TCF4: variants seen among roughly 807,000 people sequenced by gnomAD.
TCF4 encodes the protein transcription factor 4.
In TCF4, 3 loss-of-function variants were observed where a neutral mutation model predicts 82.1. The observed-to-expected ratio is 0.04, with a 90% CI of 0.02 to 0.09. The LOEUF is 0.09. Ranked by LOEUF, TCF4 falls within the 10% of genes least tolerant of loss-of-function variation. The pLI is 1.00. For missense variants in TCF4, 518 were observed against 852.7 expected (o/e 0.61, Z 4.89); for synonymous variants, 276 against 309.6 (o/e 0.89, Z 1.14).
chr18:55,247,189 C>A (rs1429612147), intron 15 of TCF4, among the ~76,000 whole-genome samples: 1 of 152,246 alleles, frequency 6.6e-6, no homozygotes, highest in East Asian at 1.9e-4. Context: ...GAAAGAATGT[C>A]TGTAACACTG....
At chr18:55,407,400 C>T (rs1026643632) in intron 5 of TCF4, among the ~76,000 whole-genome samples, 2 of 152,288 alleles carry the variant, frequency 1.3e-5, no homozygotes, top group East Asian at 1.9e-4. Flanking sequence ...CAACATCCGT[C>T]AATCAATCCT....
chr18:55,362,574 G>A (rs1603354926), intron 6 of TCF4, among the ~76,000 whole-genome samples: 1 of 152,008 alleles, frequency 6.6e-6, no homozygotes, highest in African/African-American at 2.4e-5. Context: ...AAAATAACGG[G>A]CCTCCAATCA....
At chr18:55,549,256 G>A (rs1399717261) in intron 3 of TCF4, among the ~76,000 whole-genome samples, 2 of 151,780 alleles carry the variant, frequency 1.3e-5, no homozygotes, top group African/African-American at 2.4e-5. Context: ...AGCCAAGATC[G>A]CACCACTGCA....
At chr18:55,532,938 T>C (rs1320884388) in intron 3 of TCF4, among the ~76,000 whole-genome samples, 1 of 152,128 alleles carries the variant, frequency 6.6e-6, no homozygotes, top group Non-Finnish European at 1.5e-5. Flanking sequence ...AATAGGGATG[T>C]ACATAAAGGT....
chr18:55,589,923 G>T, upstream of TCF4: 1 of 780,288 alleles, frequency 1.3e-6, no homozygotes, highest in Non-Finnish European at 1.6e-6. Context: ...CCAAGATGGC[G>T]GTGCTGGTCG....
At chr18:55,505,025 G>A (rs956376514) in intron 3 of TCF4, among the ~76,000 whole-genome samples, 5 of 152,132 alleles carry the variant, frequency 3.3e-5, no homozygotes, top group African/African-American at 1.2e-4. Flanking sequence ...CAATAAAACT[G>A]TCCTATAAAT....
At chr18:55,431,168 T>G (rs1175700451) in intron 5 of TCF4, among the ~76,000 whole-genome samples, 1 of 152,204 alleles carries the variant, frequency 6.6e-6, no homozygotes, top group Non-Finnish European at 1.5e-5. Flanking sequence ...AGTTGGAGTT[T>G]AGTTGCAGCT....
chr18:55,503,850 G>A (rs1419051599), intron 3 of TCF4, among the ~76,000 whole-genome samples: 5 of 152,206 alleles, frequency 3.3e-5, no homozygotes, highest in East Asian at 1.9e-4. Flanking sequence ...CGAGGTGGAC[G>A]GATCACTTGA....
At chr18:55,276,902 A>T (rs1199121411) in intron 9 of TCF4, among the ~76,000 whole-genome samples, 7 of 152,180 alleles carry the variant, frequency 4.6e-5, no homozygotes, top group Admixed American at 4.6e-4. Flanking sequence ...AGAATTTTGT[A>T]ACTGGACTCA....
intron 6 of TCF4, among the ~76,000 whole-genome samples, chr18:55,389,360 C>T (rs1330957844): frequency 6.6e-6 from 1 of 152,146 alleles, no homozygotes; most frequent in African/African-American, 2.4e-5. Context: ...GCCCTTGCCC[C>T]TAGCCTTTGC....
chr18:55,461,461 A>G (rs1052039107), intron 4 of TCF4, among the ~76,000 whole-genome samples: 19 of 152,240 alleles, frequency 1.2e-4, no homozygotes, highest in Non-Finnish European at 2.5e-4. Context: ...TTATTTTAAT[A>G]AGGCCACATT....
intron 8 of TCF4, among the ~76,000 whole-genome samples, chr18:55,345,415 A>T (rs532837156): frequency 1.3e-5 from 2 of 152,052 alleles, no homozygotes; most frequent in Non-Finnish European, 2.9e-5. Flanking sequence ...ACTGTTCCCC[A>T]TTGTCATGTT....
chr18:55,250,275 G>A (rs2054606912), intron 15 of TCF4, among the ~76,000 whole-genome samples: 1 of 152,270 alleles, frequency 6.6e-6, no homozygotes, highest in African/African-American at 2.4e-5. Flanking sequence ...TAGATAATGT[G>A]GGTTTTAATC....
chr18:55,423,773 C>T (rs940903059), intron 5 of TCF4, among the ~76,000 whole-genome samples: 7 of 152,100 alleles, frequency 4.6e-5, no homozygotes, highest in Non-Finnish European at 5.9e-5. Context: ...TCCTCAGCTC[C>T]CCCCGGACCT....
chr18:55,413,577 G>C (rs1171036715), intron 5 of TCF4, among the ~76,000 whole-genome samples: 3 of 152,134 alleles, frequency 2.0e-5, no homozygotes, highest in Admixed American at 2.0e-4. Context: ...GGAAGGGGAA[G>C]GTTGGTAGAT....
intron 6 of TCF4, among the ~76,000 whole-genome samples, chr18:55,367,623 C>A (rs188524528): frequency 6.6e-6 from 1 of 152,314 alleles, no homozygotes; most frequent in Non-Finnish European, 1.5e-5. Flanking sequence ...CTGAAGATAA[C>A]TGACAAATCA....
intron 3 of TCF4, among the ~76,000 whole-genome samples, chr18:55,489,162 T>G (rs1413302726): frequency 6.6e-6 from 1 of 152,152 alleles, no homozygotes. Context: ...GGGGCATCAG[T>G]TAGAGCCACA....
At chr18:55,293,906 TTTCATC>T (rs2065734205) in intron 8 of TCF4, among the ~76,000 whole-genome samples, 1 of 148,416 alleles carries the variant, frequency 6.7e-6, no homozygotes, top group Non-Finnish European at 1.5e-5. Context: ...ATTAAATGTA[TTTCATC>T]TTCTAAACTT....
intron 5 of TCF4, among the ~76,000 whole-genome samples, chr18:55,407,805 G>T (rs533228631): frequency 6.6e-6 from 1 of 152,166 alleles, no homozygotes; most frequent in Admixed American, 6.5e-5. Context: ...TTATATTCTT[G>T]TATTATCAGC....
Sources: gnomAD v4.1 joint callset for allele counts (sites outside exome capture counted in the v4.1 genomes callset) on GRCh38, gnomAD v4.1.1 for gene constraint, MANE v1.5 for transcripts, NCBI Gene and HGNC (gene_info 2026-07-23, HGNC 2026-07-21) for gene names.